Variants in SLC22A16 observed in about 807,000 individuals in gnomAD.
SLC22A16 encodes the protein solute carrier family 22 member 16.
A neutral mutation model predicts 52.9 loss-of-function variants in SLC22A16; 53 were observed. The ratio of observed to expected loss-of-function variants is 1.00; its 90% confidence interval spans 0.80 to 1.26. SLC22A16 has a LOEUF of 1.26. SLC22A16 is among the 50% of genes most tolerant of loss of function. SLC22A16 has a pLI of 0.00. For missense variants in SLC22A16, 726 were observed against 704.0 expected, an observed-to-expected ratio of 1.03 and a Z score of -0.35; for synonymous variants, 291 against 268.8, an observed-to-expected ratio of 1.08 and a Z score of -0.81.
chr6:110,426,615 T>C (rs1774265559), intron 7 of SLC22A16, among the ~76,000 whole-genome samples: 1 of 152,180 alleles, frequency 6.6e-6, no homozygotes, highest in Non-Finnish European at 1.5e-5. Flanking sequence ...ATATTTTTGA[T>C]CTTTTCCTTT....
At chr6:110,445,434 C>A (rs568449258) in intron 3 of SLC22A16, among the ~76,000 whole-genome samples, 1 of 152,280 alleles carries the variant, frequency 6.6e-6, no homozygotes, top group Non-Finnish European at 1.5e-5. Context: ...CAACGTCTTG[C>A]CTTTCCTACT....
chr6:110,457,807 C>T (rs768046306), intron 1 of SLC22A16, among the ~76,000 whole-genome samples: 4 of 152,240 alleles, frequency 2.6e-5, no homozygotes, highest in Middle Eastern at 3.4e-3. Context: ...TGGAAAGATG[C>T]CCGTTACCAA....
intron 3 of SLC22A16, among the ~76,000 whole-genome samples, chr6:110,443,688 A>AAAGGAATTGAAAGTGGGGTCTGGT (rs1775062372): frequency 6.6e-6 from 1 of 152,206 alleles, no homozygotes; most frequent in Non-Finnish European, 1.5e-5. Flanking sequence ...GTATATACCC[A>AAAGGAATTGAAAGTGGGGTCTGGT]AAGGAATTGA....
chr6:110,452,705 A>G (rs780169082), intron 2 of SLC22A16, among the ~76,000 whole-genome samples: 27 of 152,178 alleles, frequency 1.8e-4, no homozygotes, highest in Non-Finnish European at 3.5e-4. Context: ...AGAAATTAAT[A>G]TTTTAAACTT....
At position 110,456,657 on chromosome 6, in the gene SLC22A16, G is replaced by A. The variant is rs769263678; in HGVS notation, c.414C>T (p.Ser138=). 1.1e-5 allele frequency: 17 copies of A among 1,614,172 alleles called. No homozygotes were observed. The highest frequency in any genetic ancestry group is 1.6e-4 in the Middle Eastern group (1 of 6,062). ...GYIYDQNTWK[S]TAVTQWNLVC... ...CCAGGTTCCACTGGGTCACCGCAGT[G>A]CTTTTCCATGTGTTCTGGTCATATA... The change falls in exon 2 of 8, where the codon AGC becomes AGT. Residue 138 remains serine (S), a synonymous_variant. Transcript: ENST00000368919.
At chr6:110,458,859 AC>A (rs949629633) in intron 1 of SLC22A16, among the ~76,000 whole-genome samples, 1 of 152,172 alleles carries the variant, frequency 6.6e-6, no homozygotes, top group African/African-American at 2.4e-5. Flanking sequence ...ATGAAGACTT[AC>A]ACCAGGCCTT....
At chr6:110,472,075 A>G (rs1440270613) in intron 1 of SLC22A16, among the ~76,000 whole-genome samples, 2 of 152,226 alleles carry the variant, frequency 1.3e-5, no homozygotes, top group Middle Eastern at 3.2e-3. Flanking sequence ...CAAGGAACTC[A>G]AGGTAAACCA....
chr6:110,436,103 T>C, intron 5 of SLC22A16, 142 bp from the exon 6 acceptor site: 1 of 601,864 alleles, frequency 1.7e-6, no homozygotes, highest in Non-Finnish European at 2.9e-6. Flanking sequence ...TCTGTTTGAA[T>C]GTATTAAACT....
At chr6:110,467,866 T>G (rs1776125214) in intron 1 of SLC22A16, among the ~76,000 whole-genome samples, 1 of 152,254 alleles carries the variant, frequency 6.6e-6, no homozygotes, top group African/African-American at 2.4e-5. Context: ...CTGGTGGCAG[T>G]CCAAGGGATC....
At chr6:110,437,216 G>T (rs756790834) in intron 5 of SLC22A16, among the ~76,000 whole-genome samples, 5 of 151,470 alleles carry the variant, frequency 3.3e-5, no homozygotes, top group Non-Finnish European at 5.9e-5. Context: ...TTATCACCTG[G>T]GGAAAAATTT....
At chr6:110,460,190 C>T (rs1775815824) in intron 1 of SLC22A16, among the ~76,000 whole-genome samples, 1 of 152,184 alleles carries the variant, frequency 6.6e-6, no homozygotes, top group African/African-American at 2.4e-5. Context: ...TGCTCCCTCT[C>T]ACTGGAAGAT....
chr6:110,438,062 A>G (rs1774803494), intron 5 of SLC22A16, among the ~76,000 whole-genome samples: 3 of 152,112 alleles, frequency 2.0e-5, no homozygotes, highest in South Asian at 4.2e-4. Flanking sequence ...CGAGAGGTGC[A>G]CCATCCTCGA....
chr6:110,431,396 C>T, intron 6 of SLC22A16, 126 bp from the exon 7 acceptor site: 1 of 739,138 alleles, frequency 1.4e-6, no homozygotes, highest in African/African-American at 1.7e-5. Context: ...CAGCGCATTA[C>T]AACGTTTCAG....
intron 1 of SLC22A16, among the ~76,000 whole-genome samples, chr6:110,463,311 C>T (rs1421869251): frequency 6.6e-6 from 1 of 151,802 alleles, no homozygotes; most frequent in East Asian, 1.9e-4. Context: ...CAATGCTCCA[C>T]TTAGAGGATA....
intron 4 of SLC22A16, among the ~76,000 whole-genome samples, chr6:110,440,903 GCA>G (rs1774939596): frequency 6.6e-6 from 1 of 152,188 alleles, no homozygotes; most frequent in South Asian, 2.1e-4. Context: ...CTAGTTTGAG[GCA>G]CTAAGAAGAA....
At chr6:110,440,671 G>A (rs976181894) in intron 4 of SLC22A16, among the ~76,000 whole-genome samples, 4 of 152,148 alleles carry the variant, frequency 2.6e-5, no homozygotes, top group Non-Finnish European at 2.9e-5. Flanking sequence ...CATTTATTCA[G>A]GAGGCTGAAA....
chr6:110,429,505 T>A (rs2114883710), intron 7 of SLC22A16, among the ~76,000 whole-genome samples: 1 of 152,354 alleles, frequency 6.6e-6, no homozygotes, highest in East Asian at 1.9e-4. Flanking sequence ...ATAACACCCA[T>A]GACTTCACTG....
At chr6:110,471,854 C>A (rs967973256) in intron 1 of SLC22A16, among the ~76,000 whole-genome samples, 1 of 152,174 alleles carries the variant, frequency 6.6e-6, no homozygotes, top group Non-Finnish European at 1.5e-5. Flanking sequence ...CTATCTACAG[C>A]GCCCAGGGAG....
chr6:110,476,612 C>G lies in SLC22A16; in HGVS notation c.-38G>C. On this transcript the variant is annotated 5_prime_UTR_variant, in exon 1 of 8. Transcript: ENST00000368919. ...CACTGGGCGCCGAGTTAGCCGAGCT[C>G]CGGGGACTGCGGGTAGCGCGCCCCG... The G allele has an allele frequency of 6.6e-7, 1 of 1,516,270 alleles. No homozygotes were observed. Among genetic ancestry groups the G allele is most frequent in the Non-Finnish European group, 8.8e-7 (1 of 1,132,412 alleles). 93.9% of individuals were successfully genotyped at this position (1,516,270 alleles called of 1,614,324 possible). A position where few individuals can be genotyped will look rare whatever the true frequency, so the allele number is the denominator to read the frequency against.
Sources: gnomAD v4.1 joint callset for allele counts (sites outside exome capture counted in the v4.1 genomes callset) on GRCh38, gnomAD v4.1.1 for gene constraint, MANE v1.5 for transcripts, NCBI Gene and HGNC (gene_info 2026-07-23, HGNC 2026-07-21) for gene names.